NLRP5: variants seen among roughly 807,000 people sequenced by gnomAD.
NLRP5 encodes NLR family pyrin domain containing 5.
NLRP5 carries 93 observed loss-of-function variants against 113.1 expected under a neutral mutation model. The observed-to-expected ratio is 0.82, with a 90% CI of 0.70 to 0.98. The LOEUF is 0.98. Ranked by LOEUF, NLRP5 falls within the 50% of genes least tolerant of loss-of-function variation. NLRP5 has a pLI of 0.00. For missense variants in NLRP5, 1,808 were observed against 1,514.3 expected, an observed-to-expected ratio of 1.19 and a Z score of -3.22; for synonymous variants, 751 against 600.7, an observed-to-expected ratio of 1.25 and a Z score of -3.66.
At chr19:55,992,825 T>A in the NLRP5 span, among the ~76,000 whole-genome samples, 8 of 149,122 alleles carry the variant, frequency 5.4e-5, no homozygotes, top group Admixed American at 2.0e-4. Flanking sequence ...TTTATTTTAG[T>A]TGACACATAA....
chr19:56,055,753 G>C (rs954327958), intron 13 of NLRP5, among the ~76,000 whole-genome samples: 2 of 151,492 alleles, frequency 1.3e-5, no homozygotes, highest in African/African-American at 2.4e-5. Context: ...CACCGTGTTA[G>C]CCAGGATGGT....
chr19:56,023,555 G>A (rs986959594), intron 6 of NLRP5, among the ~76,000 whole-genome samples: 2 of 152,138 alleles, frequency 1.3e-5, no homozygotes, highest in South Asian at 2.1e-4. Flanking sequence ...TTGAAGCGAT[G>A]TGTAGACATC....
chr19:56,020,816 C>T (rs543816607), intron 6 of NLRP5, among the ~76,000 whole-genome samples: 2 of 150,938 alleles, frequency 1.3e-5, no homozygotes, highest in Admixed American at 6.6e-5. Flanking sequence ...GAATACCTGC[C>T]ATTGAAGAAT....
intron 6 of NLRP5, among the ~76,000 whole-genome samples, chr19:56,024,528 TAC>T (rs201818900): frequency 0.24 from 27,066 of 113,034 alleles, 2,851 homozygotes; most frequent in East Asian, 0.46. Flanking sequence ...TGTATATGTA[TAC>T]ATATGTATAT....
intron 7 of NLRP5, among the ~76,000 whole-genome samples, chr19:56,032,069 C>T (rs911518217): frequency 1.1e-4 from 16 of 151,920 alleles, no homozygotes; most frequent in East Asian, 5.8e-4. Flanking sequence ...GGGCTGGGCA[C>T]GGTGGTGGCT....
At chr19:56,054,752 A>G (rs55913574) in intron 13 of NLRP5, among the ~76,000 whole-genome samples, 16,549 of 151,944 alleles carry the variant, frequency 0.11, 1,017 homozygotes, top group African/African-American at 0.17. Context: ...GGGAATGGGA[A>G]GTAGAAGGGG....
upstream of NLRP5, among the ~76,000 whole-genome samples, chr19:55,995,264 T>C (rs1172575502): frequency 6.6e-6 from 1 of 152,072 alleles, no homozygotes; most frequent in East Asian, 1.9e-4. Flanking sequence ...ATGCAAACGA[T>C]GAGTTCATGG....
At chr19:56,008,760 C>G (rs375370689) in intron 2 of NLRP5, 28 bp from the exon 3 acceptor site, 63 of 1,582,140 alleles carry the variant, frequency 4.0e-5, no homozygotes, top group Middle Eastern at 3.3e-4. Flanking sequence ...TTCATTGAGG[C>G]CAGTCTCCCT....
intron 12 of NLRP5, among the ~76,000 whole-genome samples, chr19:56,051,257 A>T (rs1983922119): frequency 6.6e-6 from 1 of 152,082 alleles, no homozygotes; most frequent in Admixed American, 6.6e-5. Flanking sequence ...CAGTGGCATG[A>T]TCTCTGCTCA....
intron 10 of NLRP5, among the ~76,000 whole-genome samples, chr19:56,039,065 C>G (rs1266837953): frequency 2.6e-5 from 4 of 152,130 alleles, no homozygotes; most frequent in South Asian, 2.1e-4. Context: ...CTGAGCTGTG[C>G]CAAGCACAGC....
At chr19:56,038,715 A>G (rs1236230773) in intron 10 of NLRP5, among the ~76,000 whole-genome samples, 1 of 152,186 alleles carries the variant, frequency 6.6e-6, no homozygotes, top group Non-Finnish European at 1.5e-5. Flanking sequence ...GAGGGAGCCC[A>G]GAGCAGGGAT....
At position 56,018,193 on chromosome 19, in the gene NLRP5, C is replaced by G. The variant is rs114438643; in HGVS notation, c.566-1149C>G. Among the ~76,000 whole-genome samples, 3 of 152,108 alleles carry G rather than the reference C, an allele frequency of 2.0e-5. No homozygotes were observed. In the East Asian group the frequency reaches 5.8e-4, roughly 29 times the overall value. ...AAAATTTACGCCTGTAACTTGATTC[C>G]CATGCTTAAAAATCCTTAAGTGGTT... is the stretch of plus-strand genomic sequence containing the variant. On this transcript the variant is annotated intron_variant, in intron 4 of 14. Transcript: ENST00000390649.
At position 56,011,463 on chromosome 19, in the gene NLRP5, A is replaced by G. The variant is rs115995312; in HGVS notation, c.508+2610A>G. On this transcript the variant is annotated intron_variant, in intron 3 of 14. Transcript: ENST00000390649. ...TCTCAATCATGATTGCACACTTTCA[A>G]TGGGTGAATTGTATGATTTGTGAAA... Among the ~76,000 whole-genome samples the G allele has an allele frequency of 5.2e-3, 799 of 152,226 alleles. 7 individuals are homozygous for G. Among genetic ancestry groups the G allele is most frequent in the African/African-American group, 0.018 (755 of 41,544 alleles).
At chr19:56,041,122 T>G in intron 11 of NLRP5, 30 bp downstream of exon 11, 1 of 1,607,166 alleles carries the variant, frequency 6.2e-7, no homozygotes, top group East Asian at 2.2e-5. Context: ...CTGCAAGGAC[T>G]TCCTAGCTTT....
intron 4 of NLRP5, among the ~76,000 whole-genome samples, chr19:56,017,663 T>C (rs1211427965): frequency 6.6e-6 from 1 of 152,236 alleles, no homozygotes; most frequent in Non-Finnish European, 1.5e-5. Context: ...GCATGTTTTA[T>C]GCCTGATGTA....
intron 13 of NLRP5, among the ~76,000 whole-genome samples, chr19:56,055,280 C>T (rs1984089640): frequency 1.3e-5 from 2 of 151,978 alleles, no homozygotes; most frequent in South Asian, 4.1e-4. Flanking sequence ...GCGTGAGCCA[C>T]CGCGCCTGGC....
chr19:56,003,994 A>G lies in NLRP5; in HGVS notation c.341A>G (p.His114Arg). 1 of 1,614,030 alleles carries G rather than the reference A, an allele frequency of 6.2e-7. No individual in the cohort carries two copies. ...GTGGAATGTCTGGCACTCCTCTTGCATGAGTATTATGGAGCATCGCTGGCC... is the reference window on the plus strand; with the variant it reads ...GTGGAATGTCTGGCACTCCTCTTGCGTGAGTATTATGGAGCATCGCTGGCC... The change falls in exon 2 of 15, where the codon CAT (histidine) becomes CGT (arginine). Residue 114 changes from histidine (H) to arginine (R), a missense_variant. Coordinates refer to ENST00000390649, the MANE Select transcript of NLRP5 (RefSeq NM_153447.4).
chr19:55,989,104 TATC>T, the NLRP5 span, among the ~76,000 whole-genome samples: 1 of 152,248 alleles, frequency 6.6e-6, no homozygotes, highest in African/African-American at 2.4e-5. Flanking sequence ...TTCAATGTTC[TATC>T]ATCAGTGTTC....
chr19:55,987,590 C>T, the NLRP5 span, among the ~76,000 whole-genome samples: 47 of 152,152 alleles, frequency 3.1e-4, no homozygotes, highest in African/African-American at 1.1e-3. Flanking sequence ...AGTTAAATGG[C>T]TTGCCTGGGG....
Sources: gnomAD v4.1 joint callset for allele counts (sites outside exome capture counted in the v4.1 genomes callset) on GRCh38, gnomAD v4.1.1 for gene constraint, MANE v1.5 for transcripts, NCBI Gene and HGNC (gene_info 2026-07-23, HGNC 2026-07-21) for gene names.